PCDH9: variants seen among roughly 807,000 people sequenced by gnomAD.
The protein encoded by PCDH9 is protocadherin-9.
A neutral mutation model predicts 70.6 loss-of-function variants in PCDH9; 24 were observed. The observed-to-expected ratio is 0.34, with a 90% CI of 0.25 to 0.48. The LOEUF (loss-of-function observed/expected upper bound fraction) is 0.48, where lower values mean the gene tolerates loss of function less well. Among genes scored for constraint, PCDH9 ranks in the 20% least tolerant of loss-of-function variants. The probability of loss-of-function intolerance (pLI) is 0.99; values close to 1 mark genes in which losing one functional copy is unlikely to be tolerated. For missense variants in PCDH9, 1,281 were observed against 1,503.6 expected, an observed-to-expected ratio of 0.85 and a Z score of 2.45; for synonymous variants, 562 against 558.5, an observed-to-expected ratio of 1.01 and a Z score of -0.09.
At chr13:66,554,984 A>C (rs758934092) in intron 4 of PCDH9, among the ~76,000 whole-genome samples, 53 of 152,142 alleles carry the variant, frequency 3.5e-4, no homozygotes, top group Non-Finnish European at 6.5e-4. Flanking sequence ...AGCCTGACCA[A>C]CATGGAGAAA....
chr13:66,822,758 C>T (rs9599154), intron 3 of PCDH9, among the ~76,000 whole-genome samples: 50,901 of 151,828 alleles, frequency 0.34, 9,563 homozygotes, highest in Non-Finnish European at 0.43. Context: ...GATCCGCCTG[C>T]CTCCACCTCC....
At chr13:66,924,205 G>C (rs939948732) in intron 2 of PCDH9, among the ~76,000 whole-genome samples, 1 of 151,614 alleles carries the variant, frequency 6.6e-6, no homozygotes, top group Admixed American at 6.6e-5. Flanking sequence ...AAATCAAATC[G>C]CTGGTGTTAT....
At chr13:67,204,739 A>G (rs1461561707) in intron 2 of PCDH9, 1 of 152,202 alleles carries the variant, frequency 6.6e-6, no homozygotes, top group East Asian at 1.9e-4. Flanking sequence ...AAAACCTTGA[A>G]TGTTAGTCCC....
chr13:66,849,287 T>C (rs904637726), intron 3 of PCDH9, among the ~76,000 whole-genome samples: 3 of 151,904 alleles, frequency 2.0e-5, no homozygotes, highest in Non-Finnish European at 4.4e-5. Flanking sequence ...TGCATGTGGT[T>C]TTGTTAAATT....
chr13:66,560,607 T>G (rs1257695626), intron 4 of PCDH9, among the ~76,000 whole-genome samples: 1 of 152,212 alleles, frequency 6.6e-6, no homozygotes, highest in African/African-American at 2.4e-5. Context: ...ATGAAATACT[T>G]AGCACTTGTT....
chr13:66,953,382 G>A (rs373221609), intron 2 of PCDH9, among the ~76,000 whole-genome samples: 8 of 152,136 alleles, frequency 5.3e-5, no homozygotes, highest in African/African-American at 1.9e-4. Context: ...CTGAAACACA[G>A]TACATGTTCA....
chr13:66,934,541 CAAA>C (rs553566707), intron 2 of PCDH9, among the ~76,000 whole-genome samples: 2 of 45,938 alleles, frequency 4.4e-5, no homozygotes, highest in Admixed American at 2.2e-4. Flanking sequence ...AACTCAGTCC[CAAA>C]AAAAAAAAAA....
chr13:66,416,028 A>T (rs1259909130), intron 4 of PCDH9, among the ~76,000 whole-genome samples: 1 of 152,240 alleles, frequency 6.6e-6, no homozygotes, highest in African/African-American at 2.4e-5. Context: ...AAACATTAAC[A>T]GATGTGAAGC....
chr13:66,696,023 TTTAG>T (rs1183145259), intron 3 of PCDH9, among the ~76,000 whole-genome samples: 4 of 152,110 alleles, frequency 2.6e-5, no homozygotes, highest in Admixed American at 6.5e-5. Flanking sequence ...ATCACAAAAA[TTTAG>T]TTAGTTATGT....
At chr13:66,720,241 G>C (rs1401922315) in intron 3 of PCDH9, among the ~76,000 whole-genome samples, 1 of 151,554 alleles carries the variant, frequency 6.6e-6, no homozygotes, top group Admixed American at 6.6e-5. Flanking sequence ...CAACCTCCAG[G>C]TTCAAGTGAT....
intron 4 of PCDH9, among the ~76,000 whole-genome samples, chr13:66,325,145 G>C (rs550442175): frequency 6.6e-6 from 1 of 151,874 alleles, no homozygotes; most frequent in African/African-American, 2.4e-5. Flanking sequence ...AAACAGGTGG[G>C]GTCCCTGTAA....
chr13:66,954,674 T>C lies in PCDH9; in HGVS notation c.3037-51069A>G, dbSNP rs535576017. 1.1e-4 allele frequency among the ~76,000 whole-genome samples: 16 copies of C among 152,312 alleles called. No individual in the cohort carries two copies. The South Asian group carries it at 2.5e-3, about 24-fold the overall frequency. On this transcript the variant is annotated intron_variant, in intron 2 of 4. Coordinates refer to ENST00000377865, the MANE Select transcript of PCDH9 (RefSeq NM_203487.3). Reference sequence around the variant, plus strand: ...ACCCAACTATGCTCTGGGCACAAAGTGCAATACCAAAACAGCATGCCCTCC... The same window carrying C: ...ACCCAACTATGCTCTGGGCACAAAGCGCAATACCAAAACAGCATGCCCTCC...
chr13:66,567,319 A>T (rs558953869), intron 4 of PCDH9, among the ~76,000 whole-genome samples: 227 of 152,282 alleles, frequency 1.5e-3, no homozygotes, highest in Non-Finnish European at 2.2e-3. Flanking sequence ...TTGAATAAAA[A>T]ACGCGTGGTA....
At chr13:66,534,780 T>C (rs977827136) in intron 4 of PCDH9, among the ~76,000 whole-genome samples, 11 of 152,174 alleles carry the variant, frequency 7.2e-5, no homozygotes, top group African/African-American at 2.7e-4. Flanking sequence ...GAATGTAGTA[T>C]ACATCAAGGC....
chr13:67,226,993 C>T lies in PCDH9; in HGVS notation c.1448G>A (p.Arg483Gln), dbSNP rs1343002178. Residue 483 changes from arginine to glutamine, a missense_variant, in exon 2 of 5, where the codon CGA becomes CAA. Physicochemically the swap from Arg to Gln is conservative, Grantham distance 43. Transcript: ENST00000377865. This position sits in a 1 kb window ranked among gnomAD's most constrained non-coding sequence, Gnocchi z 5.0. ...AATAGTTGTTAAGTATAACCCACGT[C>T]GGTTGTTTTCAGAAACTGACAGCTC... ...VIELSVSENN[R>Q]RGLYLTTISA... 1.9e-6 allele frequency: 3 copies of T among 1,614,138 alleles called. No homozygotes were observed. Among genetic ancestry groups the T allele is most frequent in the Middle Eastern group, 1.6e-4 (1 of 6,062 alleles).
chr13:66,583,134 T>G (rs2076916457), intron 4 of PCDH9, among the ~76,000 whole-genome samples: 1 of 151,988 alleles, frequency 6.6e-6, no homozygotes, highest in Non-Finnish European at 1.5e-5. Flanking sequence ...TTGGTTCATT[T>G]TGGCGTCATG....
At chr13:66,831,315 A>G (rs2080921419) in intron 3 of PCDH9, among the ~76,000 whole-genome samples, 1 of 152,160 alleles carries the variant, frequency 6.6e-6, no homozygotes, top group African/African-American at 2.4e-5. Context: ...TTTAACATTG[A>G]CAGAGTACTG....
intron 2 of PCDH9, among the ~76,000 whole-genome samples, chr13:67,024,902 T>C (rs1453713706): frequency 6.6e-6 from 1 of 152,140 alleles, no homozygotes; most frequent in Non-Finnish European, 1.5e-5. Context: ...AGGAGTGACG[T>C]TCTGAACTAA....
intron 4 of PCDH9, among the ~76,000 whole-genome samples, chr13:66,331,310 C>G (rs1371714201): frequency 6.6e-6 from 1 of 152,104 alleles, no homozygotes; most frequent in African/African-American, 2.4e-5. Context: ...AAAATCCAGT[C>G]TTGGCAAATC....
Sources: allele counts gnomAD v4.1 joint callset (sites outside exome capture counted in the v4.1 genomes callset), GRCh38; gene constraint gnomAD v4.1.1; non-coding constraint Gnocchi (gnomAD v3.1); transcripts MANE v1.5; gene names NCBI Gene and HGNC (gene_info 2026-07-23, HGNC 2026-07-21).